The following LIMCH1 variants were observed in gnomAD, a reference collection of about 807,000 sequenced individuals.
LIMCH1 encodes the protein LIM and calponin homology domains 1.
In LIMCH1, 113 loss-of-function variants were observed where a neutral mutation model predicts 176.5. The ratio of observed to expected loss-of-function variants is 0.64; its 90% CI spans 0.55 to 0.75. LIMCH1 has a LOEUF of 0.75. Among genes scored for constraint, LIMCH1 ranks in the 30% least tolerant of loss-of-function variants. LIMCH1 has a pLI of 0.00. For missense variants in LIMCH1, 1,674 were observed against 1,814.9 expected (o/e 0.92, Z 1.41); for synonymous variants, 619 against 645.9 (o/e 0.96, Z 0.63).
chr4:41,606,365 C>T (rs748149213), intron 4 of LIMCH1, among the ~76,000 whole-genome samples: 54 of 152,112 alleles, frequency 3.6e-4, no homozygotes, highest in Admixed American at 1.6e-3. Flanking sequence ...AATGAAGACT[C>T]GCTCTGCACT....
At chr4:41,675,244 A>G (rs530777572) in intron 22 of LIMCH1, among the ~76,000 whole-genome samples, 17 of 150,458 alleles carry the variant, frequency 1.1e-4, no homozygotes, top group African/African-American at 4.2e-4. Context: ...GGGCCAGCCC[A>G]CCCGCCATGC....
At chr4:41,696,631 G>T (rs1730877891) in intron 31 of LIMCH1, among the ~76,000 whole-genome samples, 1 of 152,060 alleles carries the variant, frequency 6.6e-6, no homozygotes, top group African/African-American at 2.4e-5. Flanking sequence ...ATATGGATAT[G>T]CTTATACTGA....
intron 7 of LIMCH1, among the ~76,000 whole-genome samples, chr4:41,625,582 T>A (rs540150932): frequency 6.6e-6 from 1 of 152,130 alleles, no homozygotes; most frequent in South Asian, 2.1e-4. Context: ...GGGTGGGGAG[T>A]GTCTTCAAAT....
intron 7 of LIMCH1, among the ~76,000 whole-genome samples, chr4:41,624,957 G>A (rs1187539924): frequency 6.6e-6 from 1 of 152,062 alleles, no homozygotes. Flanking sequence ...GGCATTTCTC[G>A]TTTCACATTG....
chr4:41,604,144 A>T (rs1254814638), intron 3 of LIMCH1: 1 of 926,938 alleles, frequency 1.1e-6, no homozygotes, highest in African/African-American at 1.8e-5. Context: ...AACAAGTGAA[A>T]GCTTGTACTC....
At position 41,631,402 on chromosome 4, in the gene LIMCH1, A is replaced by C. The variant is rs752758221; in HGVS notation, c.1526A>C (p.Asp509Ala). The change falls in exon 10 of 32, where the codon GAC becomes GCC. Residue 509 changes from aspartate to alanine, a missense_variant. Physicochemically the swap from Asp to Ala is moderately radical, Grantham distance 126. Coordinates refer to ENST00000503057, the MANE Select transcript of LIMCH1 (RefSeq NM_001330672.2). ...VICHGSKIQM[D>A]SVSPVSAATS... The stretch of plus-strand genomic sequence containing the variant: ...TGTCATGGCAGCAAGATTCAAATGG[A>C]CTCTGTGTCTCCTGTCTCAGCGGCC... The C allele has an allele frequency of 9.0e-5, 138 of 1,535,868 alleles. No homozygotes were observed. Among genetic ancestry groups the C allele is most frequent in the Non-Finnish European group, 1.2e-4 (135 of 1,146,866 alleles).
At chr4:41,644,648 C>A in intron 15 of LIMCH1, 22 bp downstream of exon 15, 2 of 1,590,604 alleles carry the variant, frequency 1.3e-6, no homozygotes, top group South Asian at 1.1e-5. Context: ...CCAAGGCGCG[C>A]GGGCAGCGGG....
intron 25 of LIMCH1, among the ~76,000 whole-genome samples, chr4:41,681,749 T>C (rs1001434154): frequency 6.6e-6 from 1 of 152,168 alleles, no homozygotes; most frequent in African/African-American, 2.4e-5. Context: ...CAAACCACCA[T>C]GGCACATGTT....
intron 7 of LIMCH1, among the ~76,000 whole-genome samples, chr4:41,625,993 G>A (rs2152843839): frequency 6.6e-6 from 1 of 151,996 alleles, no homozygotes; most frequent in South Asian, 2.1e-4. Flanking sequence ...TTCCAGCCTG[G>A]GTGACAGAAC....
At chr4:41,652,369 T>C (rs2094332102) in intron 18 of LIMCH1, among the ~76,000 whole-genome samples, 1 of 152,194 alleles carries the variant, frequency 6.6e-6, no homozygotes, top group African/African-American at 2.4e-5. Context: ...ACACGTTTCC[T>C]AGTCTCTAGG....
At chr4:41,469,846 T>C (rs1160721681) in intron 1 of LIMCH1, among the ~76,000 whole-genome samples, 1 of 151,918 alleles carries the variant, frequency 6.6e-6, no homozygotes, top group Non-Finnish European at 1.5e-5. Flanking sequence ...CAGGCTCAGC[T>C]AATTTTTGTG....
At chr4:41,457,397 AT>A (rs2064747276) in intron 1 of LIMCH1, among the ~76,000 whole-genome samples, 1 of 152,146 alleles carries the variant, frequency 6.6e-6, no homozygotes, top group Non-Finnish European at 1.5e-5. Context: ...AACTGGGTCC[AT>A]TATACCATTG....
At chr4:41,413,658 A>C (rs2059683481) in intron 1 of LIMCH1, among the ~76,000 whole-genome samples, 1 of 152,146 alleles carries the variant, frequency 6.6e-6, no homozygotes, top group South Asian at 2.1e-4. Context: ...AAATAGCAAT[A>C]GTAGTATAAA....
chr4:41,422,653 G>A (rs557052545), intron 1 of LIMCH1, among the ~76,000 whole-genome samples: 1 of 152,256 alleles, frequency 6.6e-6, no homozygotes, highest in East Asian at 1.9e-4. Context: ...CAAGAAAATG[G>A]TATATAATCA....
At chr4:41,494,241 TC>T (rs2071616321) in intron 1 of LIMCH1, among the ~76,000 whole-genome samples, 1 of 151,188 alleles carries the variant, frequency 6.6e-6, no homozygotes, top group Non-Finnish European at 1.5e-5. Flanking sequence ...TAACAGATTT[TC>T]CCCATTCTTG....
intron 30 of LIMCH1, among the ~76,000 whole-genome samples, chr4:41,690,079 G>A (rs1386905169): frequency 1.3e-5 from 2 of 152,118 alleles, no homozygotes; most frequent in Non-Finnish European, 2.9e-5. Flanking sequence ...AAAATTGTAG[G>A]TCTCAGAATG....
At chr4:41,399,484 T>G (rs925418500) in intron 1 of LIMCH1, among the ~76,000 whole-genome samples, 2 of 152,166 alleles carry the variant, frequency 1.3e-5, no homozygotes, top group Non-Finnish European at 2.9e-5. Flanking sequence ...TTTCTAGTTA[T>G]GAAGATCTTA....
At chr4:41,634,139 C>T (rs1301186519) in intron 13 of LIMCH1, among the ~76,000 whole-genome samples, 1 of 152,152 alleles carries the variant, frequency 6.6e-6, no homozygotes, top group Non-Finnish European at 1.5e-5. Context: ...ACTTTGATTC[C>T]AGGTCCAAAG....
chr4:41,696,073 A>G (rs1730427710), intron 31 of LIMCH1, among the ~76,000 whole-genome samples: 1 of 152,220 alleles, frequency 6.6e-6, no homozygotes, highest in African/African-American at 2.4e-5. Context: ...ACCTGAATAT[A>G]TAATCCTATT....
Sources: gnomAD v4.1 joint callset for allele counts (sites outside exome capture counted in the v4.1 genomes callset) on GRCh38, gnomAD v4.1.1 for gene constraint, MANE v1.5 for transcripts, NCBI Gene and HGNC (gene_info 2026-07-23, HGNC 2026-07-21) for gene names.